GPR107: variants seen among roughly 807,000 people sequenced by gnomAD.
GPR107 encodes G protein-coupled receptor 107, also known as protein GPR107.
Under a neutral mutation model 75.5 loss-of-function variants are expected in GPR107, and 31 were observed. The ratio of observed to expected loss-of-function variants is 0.41; its 90% CI spans 0.31 to 0.55. The LOEUF (loss-of-function observed/expected upper bound fraction) is 0.55, where lower values mean the gene tolerates loss of function less well. GPR107 is among the 20% of genes least tolerant of loss of function. GPR107 has a pLI of 0.26. For missense variants in GPR107, 572 were observed against 665.7 expected, an observed-to-expected ratio of 0.86 and a Z score of 1.55; for synonymous variants, 267 against 251.3, an observed-to-expected ratio of 1.06 and a Z score of -0.59.
intron 10 of GPR107, among the ~76,000 whole-genome samples, chr9:130,100,253 A>T (rs1484200785): frequency 6.6e-6 from 1 of 152,140 alleles, no homozygotes; most frequent in Non-Finnish European, 1.5e-5. Flanking sequence ...TTTGAAGTTC[A>T]ATTCAGTATT....
chr9:130,087,200 G>C (rs1358819056), intron 7 of GPR107, among the ~76,000 whole-genome samples: 1 of 151,732 alleles, frequency 6.6e-6, no homozygotes. Context: ...ACCATACCTG[G>C]CTAATTTTTA....
intron 14 of GPR107, among the ~76,000 whole-genome samples, chr9:130,111,813 A>G (rs1831309400): frequency 6.6e-6 from 1 of 152,122 alleles, no homozygotes; most frequent in Non-Finnish European, 1.5e-5. Flanking sequence ...ATCTAAAGGA[A>G]AGCATTGAGG....
chr9:130,087,500 T>C (rs1343784976), intron 7 of GPR107, among the ~76,000 whole-genome samples: 1 of 151,808 alleles, frequency 6.6e-6, no homozygotes, highest in Non-Finnish European at 1.5e-5. Flanking sequence ...GAAACATCTC[T>C]ACAAAAAATA....
chr9:130,055,309 T>TA (rs35566442), intron 1 of GPR107, among the ~76,000 whole-genome samples: 32 of 150,848 alleles, frequency 2.1e-4, no homozygotes, highest in African/African-American at 7.8e-4. Flanking sequence ...CTACTAAAAA[T>TA]AAAAAAAAAA....
At chr9:130,118,075 G>A (rs1187219659) in intron 14 of GPR107, among the ~76,000 whole-genome samples, 1 of 152,166 alleles carries the variant, frequency 6.6e-6, no homozygotes, top group Non-Finnish European at 1.5e-5. Context: ...TTGGAGGGAG[G>A]TGGACTTGGG....
chr9:130,138,435 C>A lies in GPR107; in HGVS notation c.*3314C>A. The A allele has an allele frequency of 6.9e-6, 1 of 145,886 alleles. No individual in the cohort carries two copies. The highest frequency in any genetic ancestry group is 1.5e-5 in the Non-Finnish European group (1 of 66,234). 9.0% of individuals were successfully genotyped at this position (145,886 alleles called of 1,614,324 possible). On this transcript the variant is annotated 3_prime_UTR_variant, in exon 18 of 18. Coordinates refer to ENST00000347136, the MANE Select transcript of GPR107 (RefSeq NM_020960.5). ...CCTCTTCTCTCCTCCTCTGCCCTCG[C>A]CCTTCCCCCTTCCCCATCCCCTCCC...
intron 1 of GPR107, among the ~76,000 whole-genome samples, chr9:130,063,488 C>T (rs529760655): frequency 6.6e-6 from 1 of 152,320 alleles, no homozygotes; most frequent in Admixed American, 6.5e-5. Flanking sequence ...CCGTACCCGG[C>T]TATAACATGC....
At chr9:130,075,784 C>CTTT (rs11446412) in intron 2 of GPR107, 35 bp downstream of exon 2, 2,466 of 672,158 alleles carry the variant, frequency 3.7e-3, no homozygotes, top group East Asian at 5.9e-3. Context: ...GGGGTTTACT[C>CTTT]TTTTTTTTTT....
chr9:130,059,245 T>C (rs78884144), intron 1 of GPR107, among the ~76,000 whole-genome samples: 3,293 of 152,324 alleles, frequency 0.022, 47 homozygotes, highest in Middle Eastern at 0.034. Flanking sequence ...TAATGGCCTT[T>C]GGGAGGCCAA....
At chr9:130,063,931 A>G (rs1486930427) in intron 1 of GPR107, among the ~76,000 whole-genome samples, 3 of 151,310 alleles carry the variant, frequency 2.0e-5, no homozygotes, top group African/African-American at 7.3e-5. Flanking sequence ...CAGCCTCCCA[A>G]GTAGCTGGGA....
Position 130,097,155 on chromosome 9 carries a change from C to CTTTTTTTTTT in GPR107, c.864-2294_864-2285dup, listed in dbSNP as rs71387312. ...TCTTTTCTTTACTTTTCTTTTTTTT[C>CTTTTTTTTTT]TTTTTTTTTTTTTTTTTGAGACAGA... is the stretch of plus-strand genomic sequence containing the variant. On this transcript the variant is annotated intron_variant, in intron 9 of 17. Coordinates refer to ENST00000347136, the MANE Select transcript of GPR107 (RefSeq NM_020960.5). Among the ~76,000 whole-genome samples the CTTTTTTTTTT allele has an allele frequency of 4.4e-4, 57 of 130,166 alleles. 1 individual carries two copies. The highest frequency in any genetic ancestry group is 4.3e-3 in the Middle Eastern group (1 of 234). 85.4% of individuals were successfully genotyped at this position (130,166 alleles called of 152,430 possible).
At chr9:130,118,709 C>T (rs556559816) in intron 14 of GPR107, among the ~76,000 whole-genome samples, 2 of 151,294 alleles carry the variant, frequency 1.3e-5, no homozygotes, top group Non-Finnish European at 3.0e-5. Context: ...TCTTCATAGC[C>T]GGGCCTGATT....
intron 8 of GPR107, among the ~76,000 whole-genome samples, chr9:130,091,726 T>C (rs1830744020): frequency 6.6e-6 from 1 of 150,610 alleles, no homozygotes; most frequent in African/African-American, 2.4e-5. Flanking sequence ...GACGGAGTCT[T>C]GCTCTGTCAC....
chr9:130,091,029 A>G (rs1413690533), intron 8 of GPR107, 46 bp downstream of exon 8: 2 of 810,766 alleles, frequency 2.5e-6, no homozygotes, highest in South Asian at 1.4e-5. Context: ...TGTCAGCATA[A>G]AACGGGAGAT....
chr9:130,120,411 C>T (rs1742087016), intron 14 of GPR107, among the ~76,000 whole-genome samples: 1 of 152,164 alleles, frequency 6.6e-6, no homozygotes. Context: ...TGCTCTCACC[C>T]CACCCCGGTC....
At chr9:130,058,338 G>A (rs182424403) in intron 1 of GPR107, among the ~76,000 whole-genome samples, 1 of 152,260 alleles carries the variant, frequency 6.6e-6, no homozygotes, top group East Asian at 1.9e-4. Flanking sequence ...AAGATCCCTT[G>A]TGTTGGTTTA....
intron 1 of GPR107, among the ~76,000 whole-genome samples, chr9:130,067,715 A>C (rs1267289824): frequency 6.8e-6 from 1 of 147,222 alleles, no homozygotes; most frequent in African/African-American, 2.4e-5. Context: ...CACTAATAGA[A>C]GGCAGCTAAT....
intron 14 of GPR107, among the ~76,000 whole-genome samples, chr9:130,113,653 T>C (rs927438088): frequency 6.6e-6 from 1 of 152,190 alleles, no homozygotes. Flanking sequence ...CACTGAAACA[T>C]TGTCTTCCAC....
At chr9:130,072,321 G>A (rs1830230087) in intron 1 of GPR107, among the ~76,000 whole-genome samples, 1 of 151,356 alleles carries the variant, frequency 6.6e-6, no homozygotes, top group African/African-American at 2.4e-5. Context: ...TGGGGTTCAC[G>A]CCATTCTCCT....
Sources: allele counts gnomAD v4.1 joint callset (sites outside exome capture counted in the v4.1 genomes callset), GRCh38; gene constraint gnomAD v4.1.1; transcripts MANE v1.5; gene names NCBI Gene and HGNC (gene_info 2026-07-23, HGNC 2026-07-21).